The following SYN3 variants were observed in gnomAD, a reference collection of about 807,000 sequenced individuals.
The protein encoded by SYN3 is synapsin III.
A neutral mutation model predicts 65.8 loss-of-function variants in SYN3; 35 were observed. The observed-to-expected ratio is 0.53, with a 90% CI of 0.41 to 0.70. The LOEUF (loss-of-function observed/expected upper bound fraction) is 0.70, where lower values mean the gene tolerates loss of function less well. SYN3 is among the 30% of genes least tolerant of loss of function. The pLI is 0.00. For synonymous variants in SYN3, 270 were observed against 292.9 expected, an observed-to-expected ratio of 0.92 and a Z score of 0.80; for missense variants, 680 against 749.0, an observed-to-expected ratio of 0.91 and a Z score of 1.08.
At chr22:32,920,333 T>TA (rs778964414) in intron 4 of SYN3, among the ~76,000 whole-genome samples, 6 of 152,214 alleles carry the variant, frequency 3.9e-5, no homozygotes, top group Non-Finnish European at 7.3e-5. Flanking sequence ...TGTCCCTTTT[T>TA]ATCTCTCCCT....
At chr22:33,014,578 G>T (rs950377943) in intron 1 of SYN3, 1 of 152,226 alleles carries the variant, frequency 6.6e-6, no homozygotes, top group African/African-American at 2.4e-5. Context: ...GTCCAGAGTT[G>T]GAGACCAGCC....
At chr22:32,711,686 C>G (rs1271617386) in intron 6 of SYN3, among the ~76,000 whole-genome samples, 2 of 152,216 alleles carry the variant, frequency 1.3e-5, no homozygotes, top group Non-Finnish European at 2.9e-5. Context: ...CAATTCCTTG[C>G]AAGCCAAGAG....
At chr22:33,019,169 C>T (rs1465779740) in intron 1 of SYN3, among the ~76,000 whole-genome samples, 1 of 152,206 alleles carries the variant, frequency 6.6e-6, no homozygotes, top group Non-Finnish European at 1.5e-5. Flanking sequence ...CACTGTAACC[C>T]AGAAATACCT....
At chr22:32,817,062 T>A (rs1227888229) in intron 6 of SYN3, among the ~76,000 whole-genome samples, 20 of 145,146 alleles carry the variant, frequency 1.4e-4, no homozygotes, top group African/African-American at 2.5e-4. Flanking sequence ...TCTACTAATT[T>A]AAAAAAAAAA....
intron 2 of SYN3, among the ~76,000 whole-genome samples, chr22:32,997,268 C>A (rs1222329570): frequency 6.6e-6 from 1 of 152,194 alleles, no homozygotes; most frequent in Non-Finnish European, 1.5e-5. Context: ...AGCCATTGAA[C>A]CCCTGGTCAG....
chr22:32,509,443 G>T lies in SYN3; in HGVS notation c.*4249C>A, dbSNP rs111417759. On this transcript the variant is annotated 3_prime_UTR_variant, in exon 14 of 14. Coordinates refer to ENST00000358763, the MANE Select transcript of SYN3 (RefSeq NM_003490.4). The stretch of plus-strand genomic sequence containing the variant: ...TTTCAAAATGTCACAATTATTAAAG[G>T]TTACATGTTTGGAAGGAACAGGTAC... Among the ~76,000 whole-genome samples, 7 of 152,164 alleles carry T rather than the reference G, an allele frequency of 4.6e-5. No individual in the cohort carries two copies. The highest frequency in any genetic ancestry group is 1.7e-4 in the African/African-American group (7 of 41,520).
chr22:33,010,045 C>T (rs1210123398), intron 1 of SYN3, among the ~76,000 whole-genome samples: 1 of 151,894 alleles, frequency 6.6e-6, no homozygotes, highest in Non-Finnish European at 1.5e-5. Flanking sequence ...CCAGCCTGAC[C>T]AACATGGAGA....
chr22:32,822,016 G>A (rs189126772), intron 6 of SYN3, among the ~76,000 whole-genome samples: 34 of 152,178 alleles, frequency 2.2e-4, no homozygotes, highest in East Asian at 7.8e-4. Flanking sequence ...TTAGCCGGGC[G>A]TGGTGGCGCA....
chr22:32,702,259 C>T lies in SYN3; in HGVS notation c.712-105523G>A, dbSNP rs191351989. 1.9e-3 allele frequency among the ~76,000 whole-genome samples: 289 copies of T among 152,138 alleles called. 2 individuals are homozygous for T. The highest frequency in any genetic ancestry group is 6.6e-3 in the African/African-American group (276 of 41,510). ...TTGGGAGGCTGAGGCGGGTGGATCA[C>T]GAGGTCAGGAGATCGAGACCATCCT... On this transcript the variant is annotated intron_variant, in intron 6 of 13. Transcript: ENST00000358763.
At chr22:33,028,867 C>T (rs1225926141) in intron 1 of SYN3, among the ~76,000 whole-genome samples, 2 of 152,130 alleles carry the variant, frequency 1.3e-5, no homozygotes, top group African/African-American at 4.8e-5. Context: ...AGTGAAACCC[C>T]GTCTCTACTA....
chr22:32,958,777 C>T (rs1277131525), intron 3 of SYN3, among the ~76,000 whole-genome samples: 1 of 152,060 alleles, frequency 6.6e-6, no homozygotes, highest in Non-Finnish European at 1.5e-5. Flanking sequence ...GGTGACAGAC[C>T]AAGTATGCAA....
chr22:32,808,063 A>G (rs981371724), intron 6 of SYN3, among the ~76,000 whole-genome samples: 1 of 152,214 alleles, frequency 6.6e-6, no homozygotes, highest in Non-Finnish European at 1.5e-5. Flanking sequence ...AGGGAGAGGA[A>G]GGCTGCAATG....
At chr22:32,998,857 C>T (rs572944509) in intron 2 of SYN3, among the ~76,000 whole-genome samples, 1 of 148,458 alleles carries the variant, frequency 6.7e-6, no homozygotes, top group African/African-American at 2.5e-5. Context: ...CTTACAGTGA[C>T]TCTGGCATCC....
At position 32,513,797 on chromosome 22, in the gene SYN3, G is replaced by A. The variant is rs1433360644; in HGVS notation, c.1638C>T (p.Leu546=). Residue 546 remains leucine (L), a synonymous_variant, in exon 14 of 14, where the codon CTC becomes CTT. Coordinates refer to ENST00000358763, the MANE Select transcript of SYN3 (RefSeq NM_003490.4). ...CACGCTGGGAGGTGTCGGATGTGCT[G>A]AGGCTGTTAGTCAGGGACTGAGATT... ...LNKSQSLTNS[L]STSDTSQRGT... 2 of 1,614,076 alleles carry A rather than the reference G, an allele frequency of 1.2e-6. No individual in the cohort carries two copies. The highest frequency in any genetic ancestry group is 1.3e-5 in the African/African-American group (1 of 74,926).
rs537359097 is a variant in SYN3, at chr22:32,711,846, C to T, written c.712-115110G>A. On this transcript the variant is annotated intron_variant, in intron 6 of 13. Transcript: ENST00000358763. Reference sequence around the variant, plus strand: ...ACATCTTCTCGGAAATGCTTGCTTCCAGGAGTTGGTCTGTGGGCCAGGGGC... The same window carrying T: ...ACATCTTCTCGGAAATGCTTGCTTCTAGGAGTTGGTCTGTGGGCCAGGGGC... Among the ~76,000 whole-genome samples, 16 of 152,312 alleles carry T rather than the reference C, an allele frequency of 1.1e-4. No homozygotes were observed. In the South Asian group the frequency reaches 2.1e-3, roughly 20 times the overall value.
intron 6 of SYN3, among the ~76,000 whole-genome samples, chr22:32,745,062 CGGGTTAGGAATGATGGGCT>C (rs946419666): frequency 6.6e-6 from 1 of 152,054 alleles, no homozygotes; most frequent in African/African-American, 2.4e-5. Context: ...ACTCTTCTGA[CGGGTTAGGAATGATGGGCT>C]GGGAAAGGGA....
chr22:32,537,936 C>A lies in SYN3; in HGVS notation c.992+100G>T. On this transcript the variant is annotated intron_variant, in intron 9 of 13. Coordinates refer to ENST00000358763, the MANE Select transcript of SYN3 (RefSeq NM_003490.4). ...GCTCTGTGGATGGTGAGGCACTGGACGGAGGGCGGAGTGGCCTTCTCTTCA... is the reference window on the plus strand; with the variant it reads ...GCTCTGTGGATGGTGAGGCACTGGAAGGAGGGCGGAGTGGCCTTCTCTTCA... The A allele has an allele frequency of 5.8e-6, 6 of 1,039,190 alleles. No individual in the cohort carries two copies. In the Admixed American group the frequency reaches 1.1e-4, roughly 19 times the overall value. The allele number at this position is 1,039,190 out of a possible 1,614,324, so 64.4% of individuals were successfully genotyped here. A position where few individuals can be genotyped will look rare whatever the true frequency, so the allele number is the denominator to read the frequency against.
chr22:32,543,230 G>A lies in SYN3; in HGVS notation c.775-1517C>T, dbSNP rs145016896. On this transcript the variant is annotated intron_variant, in intron 7 of 13. Coordinates refer to ENST00000358763, the MANE Select transcript of SYN3 (RefSeq NM_003490.4). ...CTCTCCGTGGGGCCCAAACAGGATT[G>A]TGAGCAGGCAGGCAGGCTGGGCACT... is the stretch of plus-strand genomic sequence containing the variant. Among the ~76,000 whole-genome samples, 4 of 152,320 alleles carry A rather than the reference G, an allele frequency of 2.6e-5. No individual in the cohort carries two copies. In the East Asian group the frequency reaches 7.7e-4, roughly 29 times the overall value.
At chr22:32,608,614 A>G (rs546204153) in intron 6 of SYN3, among the ~76,000 whole-genome samples, 9 of 152,346 alleles carry the variant, frequency 5.9e-5, no homozygotes, top group African/African-American at 1.4e-4. Flanking sequence ...CAGAGAAACT[A>G]TTTGTGCAGT....
Sources: gnomAD v4.1 joint callset for allele counts (sites outside exome capture counted in the v4.1 genomes callset) on GRCh38, gnomAD v4.1.1 for gene constraint, MANE v1.5 for transcripts, NCBI Gene and HGNC (gene_info 2026-07-23, HGNC 2026-07-21) for gene names.